Variants in MLLT3 observed in about 807,000 individuals in gnomAD.
The protein encoded by MLLT3 is MLLT3 super elongation complex subunit.
Under a neutral mutation model 53.2 loss-of-function variants are expected in MLLT3, and 4 were observed. The ratio of observed to expected loss-of-function variants is 0.08; its 90% CI spans 0.04 to 0.17. MLLT3 has a LOEUF of 0.17. Among genes scored for constraint, MLLT3 ranks in the 10% least tolerant of loss-of-function variants. The pLI, the probability that MLLT3 is intolerant of heterozygous loss-of-function variation, is 1.00. For synonymous variants in MLLT3, 283 were observed against 230.6 expected (o/e 1.23, Z -2.06); for missense variants, 569 against 684.0 (o/e 0.83, Z 1.87).
intron 2 of MLLT3, among the ~76,000 whole-genome samples, chr9:20,515,520 G>T (rs1278298400): frequency 6.6e-6 from 1 of 152,172 alleles, no homozygotes; most frequent in Admixed American, 6.5e-5. Flanking sequence ...GGAGGAGGAA[G>T]GTATCTCTAG....
At chr9:20,562,563 G>A (rs73648229) in intron 2 of MLLT3, among the ~76,000 whole-genome samples, 8,257 of 152,026 alleles carry the variant, frequency 0.054, 312 homozygotes, top group African/African-American at 0.1. Context: ...ATTCAAAAGT[G>A]TAATAAAAGA....
chr9:20,600,491 G>A (rs1820394757), intron 2 of MLLT3, among the ~76,000 whole-genome samples: 1 of 152,192 alleles, frequency 6.6e-6, no homozygotes, highest in Admixed American at 6.5e-5. Flanking sequence ...CTGTAAGGAT[G>A]TATCCTTCTT....
In MLLT3 at chr9:20,417,012, G is replaced by A. The variant is rs1038105734; in HGVS notation, c.421-2587C>T. Among the ~76,000 whole-genome samples the A allele has an allele frequency of 4.0e-5, 6 of 150,424 alleles. No homozygotes were observed. In the South Asian group the frequency reaches 6.3e-4, roughly 16 times the overall value. On this transcript the variant is annotated intron_variant, in intron 4 of 10. Coordinates refer to ENST00000380338, the MANE Select transcript of MLLT3 (RefSeq NM_004529.4). ...CTGACACAGAATAAAAGCTTTCACC[G>A]ATTTTCAGCCTATCTATCTGATACT...
intron 4 of MLLT3, among the ~76,000 whole-genome samples, chr9:20,422,079 T>A (rs575935151): frequency 2.6e-5 from 4 of 152,006 alleles, no homozygotes; most frequent in Non-Finnish European, 4.4e-5. Flanking sequence ...AAATCTAACA[T>A]GTCTCAGTCA....
intron 5 of MLLT3, among the ~76,000 whole-genome samples, chr9:20,391,784 C>A (rs16938054): frequency 0.14 from 21,582 of 152,104 alleles, 3,719 homozygotes; most frequent in African/African-American, 0.41. Context: ...GTACTTCTCT[C>A]AAGCTTAAGT....
intron 2 of MLLT3, among the ~76,000 whole-genome samples, chr9:20,465,802 T>C (rs1255037460): frequency 6.6e-6 from 1 of 152,152 alleles, no homozygotes; most frequent in East Asian, 1.9e-4. Context: ...ATCCTAAATA[T>C]CCTAATTGAT....
chr9:20,552,902 A>C (rs1818961031), intron 2 of MLLT3, among the ~76,000 whole-genome samples: 1 of 152,154 alleles, frequency 6.6e-6, no homozygotes, highest in Admixed American at 6.5e-5. Flanking sequence ...GTACAACCTA[A>C]ATGTTTTTTA....
chr9:20,622,037 G>GTGTGTGTC lies in MLLT3; in HGVS notation c.12+200_12+207dup, dbSNP rs550363765. The stretch of plus-strand genomic sequence containing the variant: ...GGCGAGTGTGAGCGTGTGTGAGTGT[G>GTGTGTGTC]TGTGTGTCTGTGTGTCTGTGTGCGC... On this transcript the variant is annotated intron_variant, in intron 1 of 10. Coordinates refer to ENST00000380338, the MANE Select transcript of MLLT3 (RefSeq NM_004529.4). 16 of 680,270 alleles carry GTGTGTGTC rather than the reference G, an allele frequency of 2.4e-5. No homozygotes were observed. The African/African-American group carries it at 2.8e-4, about 12-fold the overall frequency. 42.1% of individuals were successfully genotyped at this position (680,270 alleles called of 1,614,324 possible).
intron 2 of MLLT3, among the ~76,000 whole-genome samples, chr9:20,558,864 C>T (rs886996775): frequency 1.3e-5 from 2 of 152,230 alleles, no homozygotes; most frequent in Admixed American, 6.5e-5. Context: ...TGACTACAAA[C>T]TGTTTCGGAT....
rs555835105 is a variant in MLLT3, at chr9:20,536,682, G to C, written c.194-79896C>G. Among the ~76,000 whole-genome samples, 31 of 152,256 alleles carry C rather than the reference G, an allele frequency of 2.0e-4. 1 individual carries two copies. Among genetic ancestry groups the C allele is most frequent in the African/African-American group, 6.7e-4 (28 of 41,552 alleles). ...CAATTTTAAATTGGATTACTGATGA[G>C]TCTTCCTGAAGGGTAATCTTTTGTA... On this transcript the variant is annotated intron_variant, in intron 2 of 10. Transcript: ENST00000380338.
intron 8 of MLLT3, among the ~76,000 whole-genome samples, chr9:20,357,283 G>A (rs560793991): frequency 7.9e-5 from 12 of 152,252 alleles, no homozygotes; most frequent in Admixed American, 2.0e-4. Flanking sequence ...GGCTAAAAAA[G>A]ATGTGGTATT....
chr9:20,463,318 C>G (rs964090648), intron 2 of MLLT3, among the ~76,000 whole-genome samples: 1 of 152,076 alleles, frequency 6.6e-6, no homozygotes, highest in Non-Finnish European at 1.5e-5. Flanking sequence ...ATACGCACAA[C>G]ATTTTCAGCT....
chr9:20,594,324 T>C (rs185999042), intron 2 of MLLT3, among the ~76,000 whole-genome samples: 118 of 152,280 alleles, frequency 7.7e-4, no homozygotes, highest in African/African-American at 2.6e-3. Context: ...CTCCTCGACA[T>C]ACTAATGCTT....
intron 3 of MLLT3, among the ~76,000 whole-genome samples, chr9:20,453,493 G>A (rs1823888593): frequency 6.6e-6 from 1 of 152,174 alleles, no homozygotes. Flanking sequence ...ATCTCAGGAA[G>A]TGGAGGCTGC....
At chr9:20,491,879 G>A (rs182849684) in intron 2 of MLLT3, among the ~76,000 whole-genome samples, 9 of 152,206 alleles carry the variant, frequency 5.9e-5, no homozygotes, top group East Asian at 1.9e-4. Flanking sequence ...ACAGAAGATC[G>A]TGCACTGAGG....
chr9:20,398,732 T>C (rs1400290943), intron 5 of MLLT3, among the ~76,000 whole-genome samples: 1 of 152,162 alleles, frequency 6.6e-6, no homozygotes, highest in Non-Finnish European at 1.5e-5. Flanking sequence ...CATCCTGTTA[T>C]TGAAATTTCT....
intron 2 of MLLT3, among the ~76,000 whole-genome samples, chr9:20,565,963 TATATTTATATATATATATATTTATTTATA>T (rs1384858751): frequency 0.017 from 691 of 40,666 alleles, 11 homozygotes; most frequent in Non-Finnish European, 0.025. Context: ...TTTATATATA[TATATTTATATATATATATATTTATTTATA>T]TATTTATTTA....
chr9:20,618,010 T>C (rs1014011076), intron 2 of MLLT3, among the ~76,000 whole-genome samples: 3 of 152,244 alleles, frequency 2.0e-5, no homozygotes, highest in Admixed American at 6.5e-5. Flanking sequence ...GACTCTTTCA[T>C]CTTTGTGGCT....
At chr9:20,482,987 G>T (rs986010035) in intron 2 of MLLT3, among the ~76,000 whole-genome samples, 7 of 151,958 alleles carry the variant, frequency 4.6e-5, no homozygotes, top group African/African-American at 1.7e-4. Context: ...GCTGATCTTA[G>T]GATTGTACAG....
Sources: gnomAD v4.1 joint callset for allele counts (sites outside exome capture counted in the v4.1 genomes callset) on GRCh38, gnomAD v4.1.1 for gene constraint, MANE v1.5 for transcripts, NCBI Gene and HGNC (gene_info 2026-07-23, HGNC 2026-07-21) for gene names.